TUBGCP3: variants seen among roughly 807,000 people sequenced by gnomAD.
TUBGCP3 encodes the protein tubulin gamma complex component 3, also known as gamma-tubulin complex component 3.
Under a neutral mutation model 123.1 loss-of-function variants are expected in TUBGCP3, and 50 were observed. That is an observed-to-expected ratio of 0.41 (90% CI 0.32 to 0.51). The LOEUF is 0.51. Among genes scored for constraint, TUBGCP3 ranks in the 20% least tolerant of loss-of-function variants. The pLI, the probability that TUBGCP3 is intolerant of heterozygous loss-of-function variation, is 0.36. For missense variants in TUBGCP3, 882 were observed against 1,127.0 expected (o/e 0.78, Z 3.11); for synonymous variants, 405 against 413.9 (o/e 0.98, Z 0.26).
chr13:112,500,508 T>C (rs753529978), intron 19 of TUBGCP3, among the ~76,000 whole-genome samples: 4 of 152,148 alleles, frequency 2.6e-5, no homozygotes, highest in Admixed American at 6.5e-5. Flanking sequence ...AAGAAAATAT[T>C]AGACTAGAAA....
the TUBGCP3 span, among the ~76,000 whole-genome samples, chr13:112,593,708 G>A: frequency 6.6e-6 from 1 of 151,992 alleles, no homozygotes; most frequent in Non-Finnish European, 1.5e-5. Flanking sequence ...ATGGCAAACA[G>A]TGACCTAGAA....
Position 112,537,823 on chromosome 13 carries a change from A to G in TUBGCP3, c.1335+7876T>C, listed in dbSNP as rs996747982. Among the ~76,000 whole-genome samples the G allele has an allele frequency of 2.6e-5, 4 of 152,204 alleles. No homozygotes were observed. The East Asian group carries it at 7.7e-4, about 29-fold the overall frequency. ...ATGATTCAATCTCTTTACCTGTTAC[A>G]GGTCTATTCAGGTTTTCTATTTCTT... On this transcript the variant is annotated intron_variant, in intron 11 of 21. Coordinates refer to ENST00000261965, the MANE Select transcript of TUBGCP3 (RefSeq NM_006322.6).
intron 21 of TUBGCP3, among the ~76,000 whole-genome samples, chr13:112,487,053 A>G (rs61962861): frequency 0.01 from 1,509 of 147,506 alleles, 15 homozygotes; most frequent in Admixed American, 0.018. Flanking sequence ...AACACTGTGT[A>G]TGTGTGTGTG....
intron 20 of TUBGCP3, chr13:112,498,775 C>A: frequency 6.5e-7 from 1 of 1,542,188 alleles, no homozygotes; most frequent in East Asian, 2.4e-5. Flanking sequence ...CATTGTGGCA[C>A]TCAGTAATGA....
At chr13:112,552,307 G>A (rs1197657319) in intron 8 of TUBGCP3, among the ~76,000 whole-genome samples, 3 of 152,212 alleles carry the variant, frequency 2.0e-5, no homozygotes, top group African/African-American at 7.2e-5. Context: ...AGTGACACTT[G>A]CATAAGATGA....
chr13:112,554,378 A>G (rs751893038), intron 7 of TUBGCP3, among the ~76,000 whole-genome samples, 196 bp from the exon 8 acceptor site: 4 of 152,234 alleles, frequency 2.6e-5, no homozygotes, highest in Non-Finnish European at 1.5e-5. Context: ...CTCAAAGGGC[A>G]TGGTGAGCTC....
intron 13 of TUBGCP3, 100 bp from the exon 14 acceptor site, chr13:112,522,609 G>A: frequency 8.4e-7 from 1 of 1,184,938 alleles, no homozygotes; most frequent in Non-Finnish European, 1.2e-6. Flanking sequence ...GCCAACCACT[G>A]CCTGTGGCAT....
Position 112,588,135 on chromosome 13 carries a change from C to T in TUBGCP3, c.-155G>A, listed in dbSNP as rs1418759418. 3 of 541,238 alleles carry T rather than the reference C, an allele frequency of 5.5e-6. No individual in the cohort carries two copies. Among genetic ancestry groups the T allele is most frequent in the Admixed American group, 4.4e-5 (1 of 22,642 alleles). 33.5% of individuals were successfully genotyped at this position (541,238 alleles called of 1,614,324 possible). A position where few individuals can be genotyped will look rare whatever the true frequency, so the allele number is the denominator to read the frequency against. ...GCCGGCCACCAGGGCGCCATTTTAA[C>T]GGAACCCGCCGAAAGCGCGGGCGCT... is the stretch of plus-strand genomic sequence containing the variant. On this transcript the variant is annotated 5_prime_UTR_variant, in exon 1 of 22. Coordinates refer to ENST00000261965, the MANE Select transcript of TUBGCP3 (RefSeq NM_006322.6).
chr13:112,521,848 A>C, intron 14 of TUBGCP3: 1 of 985,454 alleles, frequency 1.0e-6, no homozygotes, highest in Non-Finnish European at 1.2e-6. Flanking sequence ...CTTGTGGAGA[A>C]GGACATACAT....
At position 112,489,484 on chromosome 13, in the gene TUBGCP3, A is replaced by T. The variant is rs559513342; in HGVS notation, c.2565+97T>A. The T allele has an allele frequency of 1.5e-5, 13 of 857,936 alleles. No homozygotes were observed. In the South Asian group the frequency reaches 1.9e-4, roughly 12 times the overall value. 53.1% of individuals were successfully genotyped at this position (857,936 alleles called of 1,614,324 possible). A position where few individuals can be genotyped will look rare whatever the true frequency, so the allele number is the denominator to read the frequency against. On this transcript the variant is annotated intron_variant, in intron 21 of 21. Coordinates refer to ENST00000261965, the MANE Select transcript of TUBGCP3 (RefSeq NM_006322.6). ...ACCTACACAAATAAGTGTCAGACTG[A>T]CAGGGCTGACTCTGCTCTCATCACT...
At chr13:112,539,342 G>A (rs963328208) in intron 11 of TUBGCP3, among the ~76,000 whole-genome samples, 3 of 152,172 alleles carry the variant, frequency 2.0e-5, no homozygotes, top group Non-Finnish European at 4.4e-5. Flanking sequence ...AAGCTCTTGA[G>A]CTCAAACCCA....
At chr13:112,540,113 T>C (rs1226034744) in intron 11 of TUBGCP3, among the ~76,000 whole-genome samples, 2 of 150,096 alleles carry the variant, frequency 1.3e-5, no homozygotes, top group Non-Finnish European at 3.0e-5. Context: ...ATTCAGATGA[T>C]CTTGGGAAAG....
At chr13:112,552,249 TTG>T (rs978096088) in intron 8 of TUBGCP3, among the ~76,000 whole-genome samples, 3 of 152,232 alleles carry the variant, frequency 2.0e-5, no homozygotes, top group Non-Finnish European at 2.9e-5. Context: ...TGTATTGATT[TTG>T]TGTGTGTGTT....
chr13:112,594,812 A>C, the TUBGCP3 span, among the ~76,000 whole-genome samples: 4 of 152,058 alleles, frequency 2.6e-5, no homozygotes, highest in African/African-American at 9.7e-5. Context: ...CTTGATCCTT[A>C]TTCTTTGACC....
chr13:112,579,411 C>G (rs1882111011), intron 1 of TUBGCP3, among the ~76,000 whole-genome samples: 1 of 151,182 alleles, frequency 6.6e-6, no homozygotes, highest in Non-Finnish European at 1.5e-5. Context: ...TCGCACACTG[C>G]TGAGTGCCAG....
chr13:112,588,750 A>AT (rs1398413558), upstream of TUBGCP3, among the ~76,000 whole-genome samples: 1 of 152,212 alleles, frequency 6.6e-6, no homozygotes, highest in African/African-American at 2.4e-5. Flanking sequence ...AAGCTTACAC[A>AT]TGGGTGCACG....
the TUBGCP3 span, among the ~76,000 whole-genome samples, chr13:112,601,478 C>T: frequency 6.6e-6 from 1 of 152,196 alleles, no homozygotes. Flanking sequence ...CACAGTTCCC[C>T]GCGGCTCTGG....
chr13:112,485,832 G>C lies in TUBGCP3; in HGVS notation c.*161C>G. The C allele has an allele frequency of 1.3e-6, 1 of 752,624 alleles. No homozygotes were observed. The highest frequency in any genetic ancestry group is 1.9e-5 in the South Asian group (1 of 51,820). 46.6% of individuals were successfully genotyped at this position (752,624 alleles called of 1,614,324 possible). On this transcript the variant is annotated 3_prime_UTR_variant, in exon 22 of 22. Coordinates refer to ENST00000261965, the MANE Select transcript of TUBGCP3 (RefSeq NM_006322.6). ...CATTCGACTCCGACATGTGAAACAC[G>C]ACGTGGCTTCTCCCACACGCCGCTC...
chr13:112,527,743 T>G (rs937224560), intron 11 of TUBGCP3, among the ~76,000 whole-genome samples: 1 of 152,220 alleles, frequency 6.6e-6, no homozygotes, highest in African/African-American at 2.4e-5. Context: ...CATTAGTGCC[T>G]CTGCAGCATA....
Sources: gnomAD v4.1 joint callset for allele counts (sites outside exome capture counted in the v4.1 genomes callset) on GRCh38, gnomAD v4.1.1 for gene constraint, MANE v1.5 for transcripts, NCBI Gene and HGNC (gene_info 2026-07-23, HGNC 2026-07-21) for gene names.